Variants in NUP37 observed in about 807,000 individuals in gnomAD.
The protein encoded by NUP37 is nucleoporin 37.
NUP37 carries 33 observed loss-of-function variants against 45.4 expected under a neutral mutation model. That is an observed-to-expected ratio of 0.73 (90% CI 0.55 to 0.97). The LOEUF (loss-of-function observed/expected upper bound fraction) is 0.97. NUP37 is among the 50% of genes least tolerant of loss of function. The pLI, the probability that NUP37 is intolerant of heterozygous loss-of-function variation, is 0.00. For missense variants in NUP37, 365 were observed against 389.7 expected (o/e 0.94, Z 0.53); for synonymous variants, 127 against 130.7 (o/e 0.97, Z 0.19).
intron 1 of NUP37, among the ~76,000 whole-genome samples, 178 bp from the exon 2 acceptor site, chr12:102,118,761 C>T (rs886112334): frequency 2.6e-5 from 4 of 152,208 alleles, no homozygotes; most frequent in Admixed American, 1.3e-4. Flanking sequence ...AATGGTTCCA[C>T]ATTTGCTCCA....
rs116780432 is a variant in NUP37 at position 102,078,583 on chromosome 12, C to T, written c.541-1080G>A. Among the ~76,000 whole-genome samples the T allele has an allele frequency of 3.0e-3, 458 of 152,280 alleles. 3 individuals carry two copies. The highest frequency in any genetic ancestry group is 0.011 in the African/African-American group (450 of 41,552). On this transcript the variant is annotated intron_variant, in intron 6 of 9. Transcript: ENST00000552283. ...AGCATAGTTAAAGAGCACAGACACG[C>T]CGCTTCCTTCACTTATAAGCTGAGT... is the stretch of plus-strand genomic sequence containing the variant.
At chr12:102,088,888 TTGAGATTAG>T (rs1378733081) in intron 5 of NUP37, among the ~76,000 whole-genome samples, 6 of 152,200 alleles carry the variant, frequency 3.9e-5, no homozygotes, top group Non-Finnish European at 7.4e-5. Flanking sequence ...CCCTGGGTAC[TTGAGATTAG>T]GGAGTGGTGA....
chr12:102,092,671 A>C (rs1295088296), intron 5 of NUP37, among the ~76,000 whole-genome samples: 1 of 152,178 alleles, frequency 6.6e-6, no homozygotes, highest in Non-Finnish European at 1.5e-5. Context: ...GTGCAAAAGG[A>C]GTTCAGAGGT....
intron 4 of NUP37, among the ~76,000 whole-genome samples, chr12:102,100,673 A>G (rs2136740745): frequency 6.6e-6 from 1 of 152,320 alleles, no homozygotes. Flanking sequence ...TGCCTGTGCT[A>G]TGCTGTACTG....
At chr12:102,110,320 C>T (rs1372137588) in intron 3 of NUP37, among the ~76,000 whole-genome samples, 3 of 140,986 alleles carry the variant, frequency 2.1e-5, no homozygotes, top group East Asian at 2.2e-4. Context: ...GGCAACATGG[C>T]GAAACCCCAT....
Position 102,101,052 on chromosome 12 carries a change from G to T in NUP37, c.334C>A (p.Gln112Lys). 2 of 1,550,266 alleles carry T rather than the reference G, an allele frequency of 1.3e-6. No homozygotes were observed. The highest frequency in any genetic ancestry group is 1.9e-5 in the Admixed American group (1 of 53,090). Reference sequence around the variant, plus strand: ...CATACCTTATATTCATTTTTATCCTGAAGATCTGAAGTAAATAATCTAATT... The same window carrying T: ...CATACCTTATATTCATTTTTATCCTTAAGATCTGAAGTAAATAATCTAATT... ...MKIRLFTSDL[Q>K]DKNEYKVLEG... Residue 112 changes from glutamine to lysine, a missense_variant, in exon 4 of 10, where the codon CAG becomes AAG. Physicochemically the swap from Gln to Lys is moderately conservative, Grantham distance 53 (BLOSUM62 1). Coordinates refer to ENST00000552283, the MANE Select transcript of NUP37 (RefSeq NM_024057.4).
At chr12:102,119,222 T>C (rs1298875317) in intron 1 of NUP37, 1 of 152,194 alleles carries the variant, frequency 6.6e-6, no homozygotes, top group Non-Finnish European at 1.5e-5. Context: ...CAGGATCTGT[T>C]GTTAAGGAGT....
At chr12:102,090,334 A>G (rs1171488710) in intron 5 of NUP37, among the ~76,000 whole-genome samples, 1 of 152,246 alleles carries the variant, frequency 6.6e-6, no homozygotes, top group East Asian at 1.9e-4. Context: ...ATCTCTCTGA[A>G]CTGACTCTGA....
chr12:102,087,628 C>T (rs191568011), intron 5 of NUP37, among the ~76,000 whole-genome samples: 84 of 152,174 alleles, frequency 5.5e-4, no homozygotes, highest in African/African-American at 1.9e-3. Flanking sequence ...CTATTGCTTT[C>T]TGCAAAATAA....
chr12:102,097,398 T>C (rs530820035), intron 5 of NUP37, among the ~76,000 whole-genome samples: 7 of 152,332 alleles, frequency 4.6e-5, no homozygotes, highest in African/African-American at 1.4e-4. Flanking sequence ...ATTCCTTTCC[T>C]ACTTTTTAGA....
At chr12:102,102,883 C>T (rs1454271969) in intron 3 of NUP37, among the ~76,000 whole-genome samples, 1 of 152,098 alleles carries the variant, frequency 6.6e-6, no homozygotes, top group African/African-American at 2.4e-5. Context: ...TTCTTGGCAC[C>T]TTTGTAAATA....
At chr12:102,113,689 G>T (rs1439620120) in intron 2 of NUP37, among the ~76,000 whole-genome samples, 1 of 152,142 alleles carries the variant, frequency 6.6e-6, no homozygotes, top group Non-Finnish European at 1.5e-5. Flanking sequence ...TTATAAAAGT[G>T]TATGGTATTA....
intron 2 of NUP37, among the ~76,000 whole-genome samples, chr12:102,116,769 C>G (rs1246394731): frequency 6.6e-6 from 1 of 152,208 alleles, no homozygotes; most frequent in African/African-American, 2.4e-5. Flanking sequence ...CTTTGGGAGG[C>G]TGAGGCGGGC....
intron 6 of NUP37, among the ~76,000 whole-genome samples, chr12:102,079,477 CAGTT>C (rs1356055949): frequency 3.5e-4 from 54 of 152,298 alleles, no homozygotes; most frequent in Admixed American, 3.3e-3. Flanking sequence ...GGGAAATACA[CAGTT>C]AGGTTCCCTG....
Position 102,074,190 on chromosome 12 carries a change from A to G in NUP37, c.*164T>C, listed in dbSNP as rs1879104256. ...CACACAGAGAACAGAGTAGAAAAAT[A>G]ATTTTTCAAACCATCAACATTTTAT... On this transcript the variant is annotated 3_prime_UTR_variant, in exon 10 of 10. Coordinates refer to ENST00000552283, the MANE Select transcript of NUP37 (RefSeq NM_024057.4). 2.2e-6 allele frequency: 1 copy of G among 455,534 alleles called. No homozygotes were observed. The highest frequency in any genetic ancestry group is 3.9e-6 in the Non-Finnish European group (1 of 258,728). 28.2% of individuals were successfully genotyped at this position (455,534 alleles called of 1,614,324 possible). A position where few individuals can be genotyped will look rare whatever the true frequency, so the allele number is the denominator to read the frequency against.
intron 2 of NUP37, among the ~76,000 whole-genome samples, chr12:102,114,895 T>C (rs1360428420): frequency 1.3e-5 from 2 of 152,216 alleles, no homozygotes; most frequent in Admixed American, 6.5e-5. Context: ...TCTGTTTCCA[T>C]GTAAATTCTA....
At chr12:102,084,919 A>G (rs1348104595) in intron 6 of NUP37, among the ~76,000 whole-genome samples, 1 of 152,196 alleles carries the variant, frequency 6.6e-6, no homozygotes, top group Non-Finnish European at 1.5e-5. Flanking sequence ...CTAACTTTCC[A>G]ATGAATCAGC....
intron 5 of NUP37, among the ~76,000 whole-genome samples, chr12:102,096,342 AT>A (rs1275793219): frequency 6.6e-6 from 1 of 152,136 alleles, no homozygotes; most frequent in Non-Finnish European, 1.5e-5. Flanking sequence ...CCATAATAAC[AT>A]TTTGTATTAT....
chr12:102,107,849 A>G (rs1880199081), intron 3 of NUP37, among the ~76,000 whole-genome samples: 1 of 152,210 alleles, frequency 6.6e-6, no homozygotes, highest in Non-Finnish European at 1.5e-5. Context: ...AAAACTATAA[A>G]AAAAAGCAAG....
Sources: allele counts gnomAD v4.1 joint callset (sites outside exome capture counted in the v4.1 genomes callset), GRCh38; gene constraint gnomAD v4.1.1; transcripts MANE v1.5; gene names NCBI Gene and HGNC (gene_info 2026-07-23, HGNC 2026-07-21).